Variants in TTLL8 observed in about 807,000 individuals in gnomAD.
TTLL8 encodes the protein protein monoglycylase TTLL8.
A neutral mutation model predicts 77.8 loss-of-function variants in TTLL8; 65 were observed. The ratio of observed to expected loss-of-function variants is 0.84; its 90% CI spans 0.68 to 1.03. The LOEUF is 1.03. Ranked by LOEUF, TTLL8 falls within the 50% of genes least tolerant of loss-of-function variation. TTLL8 has a pLI of 0.00. For synonymous variants in TTLL8, 402 were observed against 422.8 expected (o/e 0.95, Z 0.60); for missense variants, 910 against 1,004.5 (o/e 0.91, Z 1.27).
intron 1 of TTLL8, among the ~76,000 whole-genome samples, chr22:50,050,920 G>A (rs538770112): frequency 3.7e-4 from 57 of 152,182 alleles, no homozygotes; most frequent in Non-Finnish European, 6.9e-4. Flanking sequence ...TTCTTAAGAC[G>A]CGAGTCTGCT....
upstream of TTLL8, chr22:50,055,277 T>C (rs1296519489): frequency 7.8e-7 from 1 of 1,290,126 alleles, no homozygotes; most frequent in Admixed American, 2.3e-5. Flanking sequence ...TTTGTATCTG[T>C]CTAATCTGGA....
intron 3 of TTLL8, among the ~76,000 whole-genome samples, chr22:50,048,309 T>C (rs756720836): frequency 6.6e-6 from 1 of 152,064 alleles, no homozygotes; most frequent in Non-Finnish European, 1.5e-5. Context: ...GGAATGCATG[T>C]GCTACAATCC....
At position 50,028,656 on chromosome 22, in the gene TTLL8, CATCCTAAAGACCCCCACACACA is replaced by C. The variant is rs2061250538; in HGVS notation, c.2203+1752_2203+1773del. Among the ~76,000 whole-genome samples, 13 of 80,884 alleles carry C rather than the reference CATCCTAAAGACCCCCACACACA, an allele frequency of 1.6e-4. 1 individual carries two copies. The highest frequency in any genetic ancestry group is 5.9e-4 in the South Asian group (1 of 1,684). 53.1% of individuals were successfully genotyped at this position (80,884 alleles called of 152,430 possible). A position where few individuals can be genotyped will look rare whatever the true frequency, so the allele number is the denominator to read the frequency against. On this transcript the variant is annotated intron_variant, in intron 12 of 13. Transcript: ENST00000266182. ...TACCCTCGTAAAGACCCCATCACAC[CATCCTAAAGACCCCCACACACA>C]CTCGTAAAGACCCCATCACACCATC...
At chr22:50,049,566 C>T (rs899541848) in intron 2 of TTLL8, among the ~76,000 whole-genome samples, 4 of 152,142 alleles carry the variant, frequency 2.6e-5, no homozygotes, top group Non-Finnish European at 4.4e-5. Flanking sequence ...TGTGACAGGG[C>T]TTGGGGGCCC....
chr22:50,056,945 C>G (rs763510251), upstream of TTLL8: 1 of 1,289,716 alleles, frequency 7.8e-7, no homozygotes, highest in Non-Finnish European at 1.0e-6. The surrounding 1 kb of genome is among the most constrained non-coding windows in gnomAD (Gnocchi z 4.1). Flanking sequence ...TACTGGCCTC[C>G]GACAGCTTGC....
chr22:50,033,059 C>G, intron 10 of TTLL8, 143 bp downstream of exon 11: 1 of 1,105,532 alleles, frequency 9.0e-7, no homozygotes, highest in South Asian at 1.5e-5. Flanking sequence ...TCCCAAGCCT[C>G]AGTTTCCCCA....
chr22:50,047,199 T>G (rs763385955), exon 4 of TTLL8: 1 of 1,367,510 alleles, frequency 7.3e-7, no homozygotes, highest in Admixed American at 1.9e-5. Flanking sequence ...CTTTGCGTAG[T>G]GGTTCAGCAT....
chr22:50,038,256 CATTT>C (rs60358436), intron 8 of TTLL8, among the ~76,000 whole-genome samples: 3,687 of 152,120 alleles, frequency 0.024, 128 homozygotes, highest in African/African-American at 0.083. Flanking sequence ...AATACTTTAT[CATTT>C]ATTTAAATTA....
exon 11 of TTLL8, chr22:50,031,929 G>A (rs1569224235): frequency 2.9e-6 from 4 of 1,367,006 alleles, no homozygotes; most frequent in Non-Finnish European, 3.9e-6. Context: ...TCATGGCGTG[G>A]GCGATGGCCT....
At chr22:50,051,499 G>C (rs536636350) in intron 1 of TTLL8, among the ~76,000 whole-genome samples, 1 of 152,324 alleles carries the variant, frequency 6.6e-6, no homozygotes, top group Admixed American at 6.5e-5. Flanking sequence ...GCAAACATGC[G>C]TGAGCAAGTA....
chr22:50,046,014 C>A, intron 4 of TTLL8, 44 bp from the exon 7 acceptor site: 1 of 1,310,248 alleles, frequency 7.6e-7, no homozygotes, highest in Non-Finnish European at 1.0e-6. Flanking sequence ...CAGCTCAGCT[C>A]AGCTCTGCCT....
At chr22:50,031,438 C>A (rs939304733) in intron 11 of TTLL8, among the ~76,000 whole-genome samples, 1 of 152,180 alleles carries the variant, frequency 6.6e-6, no homozygotes, top group Admixed American at 6.5e-5. Flanking sequence ...CCTGAGTGAG[C>A]GGGGCCGCTC....
intron 1 of TTLL8, among the ~76,000 whole-genome samples, chr22:50,054,105 G>T (rs999739976): frequency 6.6e-6 from 1 of 152,350 alleles, no homozygotes; most frequent in South Asian, 2.1e-4. Flanking sequence ...AGTGTGTGCT[G>T]TACCTCAGAG....
chr22:50,023,716 T>C (rs949830497), intron 12 of TTLL8, among the ~76,000 whole-genome samples: 1 of 118,856 alleles, frequency 8.4e-6, no homozygotes, highest in East Asian at 2.6e-4. Context: ...AATAAATAAA[T>C]AAATACTTAA....
rs909794282 is a variant in TTLL8 at position 50,033,283 on chromosome 22, C to T, written c.1202G>A (p.Trp401Ter). 2.9e-6 allele frequency: 4 copies of T among 1,362,708 alleles called. No individual in the cohort carries two copies. In the African/African-American group the frequency reaches 4.4e-5, roughly 15 times the overall value. The allele number at this position is 1,362,708 out of a possible 1,614,324, so 84.4% of individuals were successfully genotyped here. The change falls in exon 10 of 14, where the codon TGG (tryptophan) becomes TAG (stop). Residue 401 changes from tryptophan to a stop codon, truncating the protein, a stop_gained. Coordinates refer to ENST00000266182, the Ensembl canonical transcript of TTLL8. LOFTEE classifies it high-confidence loss of function. ...GTAGAACCAGATGGTCAGGGGGTTC[C>T]AGTCCGTGACGAGGAACCACTGTCT...
intron 6 of TTLL8, among the ~76,000 whole-genome samples, chr22:50,043,293 AAACAGTGGT>A (rs2061384618): frequency 6.6e-6 from 1 of 151,680 alleles, no homozygotes; most frequent in Admixed American, 6.6e-5. Flanking sequence ...ATAGATAGAT[AAACAGTGGT>A]GCCGACATGT....
Position 50,034,941 on chromosome 22 carries a change from C to T in TTLL8, c.922-479G>A, listed in dbSNP as rs999207841. Among the ~76,000 whole-genome samples the T allele has an allele frequency of 1.3e-5, 2 of 152,210 alleles. No homozygotes were observed. The highest frequency in any genetic ancestry group is 1.9e-4 in the East Asian group (1 of 5,194). On this transcript the variant is annotated intron_variant, in intron 8 of 13. Coordinates refer to ENST00000266182, the Ensembl canonical transcript of TTLL8. This position sits in a 1 kb window ranked among gnomAD's most constrained non-coding sequence, Gnocchi z 4.1. ...CGGCCCGTGCAGGCCTCCTGTGTCC[C>T]GGCCAGCTGCCAGCACCACATCCTG...
intron 12 of TTLL8, among the ~76,000 whole-genome samples, chr22:50,029,009 A>G (rs71311679): frequency 0.24 from 876 of 3,640 alleles, 4 homozygotes; most frequent in East Asian, 0.3. Flanking sequence ...CCATCACACC[A>G]TCCTGAAGAC....
At chr22:50,042,522 A>C (rs1364519919) in intron 6 of TTLL8, among the ~76,000 whole-genome samples, 1 of 152,184 alleles carries the variant, frequency 6.6e-6, no homozygotes, top group African/African-American at 2.4e-5. Context: ...CCTCACCAAA[A>C]AATATATACA....
Sources: gnomAD v4.1 joint callset for allele counts (sites outside exome capture counted in the v4.1 genomes callset) on GRCh38, gnomAD v4.1.1 for gene constraint, Gnocchi (gnomAD v3.1) non-coding constraint, MANE v1.5 for transcripts, NCBI Gene and HGNC (gene_info 2026-07-23, HGNC 2026-07-21) for gene names.